Variants in RFTN2 observed in about 807,000 individuals in gnomAD.
RFTN2 encodes the protein raftlin-2.
RFTN2 carries 34 observed loss-of-function variants against 52.7 expected under a neutral mutation model. The observed-to-expected ratio is 0.64, with a 90% CI of 0.49 to 0.86. RFTN2 has a LOEUF of 0.86. Among genes scored for constraint, RFTN2 ranks in the 40% least tolerant of loss-of-function variants. The pLI, the probability that RFTN2 is intolerant of heterozygous loss-of-function variation, is 0.00. For synonymous variants in RFTN2, 203 were observed against 217.7 expected (o/e 0.93, Z 0.59); for missense variants, 536 against 600.1 (o/e 0.89, Z 1.12).
At chr2:197,643,658 A>C (rs1046223158) in intron 3 of RFTN2, among the ~76,000 whole-genome samples, 2 of 152,102 alleles carry the variant, frequency 1.3e-5, no homozygotes, top group African/African-American at 4.8e-5. Flanking sequence ...CCTATAGGAC[A>C]TGTCTGTTGC....
rs1553601950 is a variant in RFTN2 at position 197,616,309 on chromosome 2, A to ATTTTATTTTATTTTATTTATTTT, written c.1051-331_1051-330insAAAATAAATAAAATAAAATAAAA. ...ATTTTATTTTATTTTATTTTATTTT[A>ATTTTATTTTATTTTATTTATTTT]AAGAGAGGGTCTCATTCCTACATCC... On this transcript the variant is annotated intron_variant, in intron 6 of 8. Transcript: ENST00000295049. Among the ~76,000 whole-genome samples the ATTTTATTTTATTTTATTTATTTT allele has an allele frequency of 1.9e-4, 24 of 125,074 alleles. 1 individual carries two copies. The highest frequency in any genetic ancestry group is 5.8e-4 in the African/African-American group (19 of 32,822). The allele number at this position is 125,074 out of a possible 152,430, so 82.1% of individuals were successfully genotyped here.
At chr2:197,627,921 G>A (rs572443455) in intron 5 of RFTN2, among the ~76,000 whole-genome samples, 5 of 127,480 alleles carry the variant, frequency 3.9e-5, no homozygotes, top group Admixed American at 2.2e-4. Flanking sequence ...TTTATTCAGC[G>A]TGATTTGTGG....
intron 8 of RFTN2, among the ~76,000 whole-genome samples, chr2:197,578,606 C>T (rs1049942326): frequency 6.6e-6 from 1 of 152,188 alleles, no homozygotes; most frequent in African/African-American, 2.4e-5. Context: ...GAACAACCCC[C>T]TTTGACTGTA....
chr2:197,646,647 G>A lies in RFTN2; in HGVS notation c.159C>T (p.Val53=). ...FTLQASSNPE[V]IKINSILDIV... is the part of the protein sequence containing the mutation. The stretch of plus-strand genomic sequence containing the variant: ...TATCCAGAATTGAATTTATCTTGAT[G>A]ACTTCTGGGTTTGATGAAGCTGAAA... Residue 53 remains valine, a synonymous_variant, in exon 2 of 9, where the codon GTC becomes GTT. Transcript: ENST00000295049. The A allele has an allele frequency of 6.2e-7, 1 of 1,612,358 alleles. No individual in the cohort carries two copies. The highest frequency in any genetic ancestry group is 1.1e-5 in the South Asian group (1 of 90,950).
At chr2:197,664,010 C>A (rs115039776) in intron 1 of RFTN2, among the ~76,000 whole-genome samples, 92 of 152,196 alleles carry the variant, frequency 6.0e-4, no homozygotes, top group African/African-American at 2.1e-3. Context: ...TCATTAATAT[C>A]AAGACATTTT....
intron 7 of RFTN2, among the ~76,000 whole-genome samples, chr2:197,615,018 A>T (rs980830163): frequency 6.6e-6 from 1 of 152,104 alleles, no homozygotes; most frequent in Non-Finnish European, 1.5e-5. Context: ...TCCTTTCCCT[A>T]CCCGAAGAAG....
intron 8 of RFTN2, among the ~76,000 whole-genome samples, chr2:197,572,799 G>A (rs565880030): frequency 6.9e-6 from 1 of 145,646 alleles, no homozygotes; most frequent in South Asian, 2.2e-4. Context: ...TATTTCCCAT[G>A]TGTTGTGGGA....
chr2:197,668,683 T>C (rs1030839363), intron 1 of RFTN2, among the ~76,000 whole-genome samples: 2 of 152,142 alleles, frequency 1.3e-5, no homozygotes, highest in African/African-American at 4.8e-5. Flanking sequence ...GGCTCAGCCC[T>C]AGCATCACTA....
chr2:197,578,171 T>C (rs980039077), intron 8 of RFTN2, among the ~76,000 whole-genome samples: 4 of 152,144 alleles, frequency 2.6e-5, no homozygotes, highest in African/African-American at 9.7e-5. Context: ...TCTTTATATA[T>C]CAGCTAATAG....
chr2:197,606,512 C>A (rs2087963820), intron 7 of RFTN2, among the ~76,000 whole-genome samples: 2 of 152,074 alleles, frequency 1.3e-5, no homozygotes, highest in South Asian at 4.1e-4. Flanking sequence ...TTCTGCACAG[C>A]AAAAGAAACT....
chr2:197,658,750 G>T (rs1292136387), intron 1 of RFTN2, among the ~76,000 whole-genome samples: 1 of 152,122 alleles, frequency 6.6e-6, no homozygotes, highest in Non-Finnish European at 1.5e-5. Context: ...AACAAATGGG[G>T]TTGTTTACAG....
At chr2:197,628,602 GAA>G (rs987905356) in intron 5 of RFTN2, among the ~76,000 whole-genome samples, 6 of 142,336 alleles carry the variant, frequency 4.2e-5, no homozygotes, top group African/African-American at 1.4e-4. Flanking sequence ...TTTTTGGAGA[GAA>G]GAGAAACAAG....
chr2:197,639,358 G>C (rs898223765), intron 3 of RFTN2, among the ~76,000 whole-genome samples: 74 of 151,746 alleles, frequency 4.9e-4, no homozygotes, highest in Non-Finnish European at 6.8e-4. Context: ...TCCATTCTCC[G>C]CATCACTTTC....
At position 197,593,885 on chromosome 2, in the gene RFTN2, A is replaced by C. The variant is rs1170383271; in HGVS notation, c.1233+2106T>G. ...TGGCAACAGAGTGAGACTCCATCTC[A>C]AAAAAAAAAAAAAAAGAATAAGAAG... On this transcript the variant is annotated intron_variant, in intron 8 of 8. Transcript: ENST00000295049. Among the ~76,000 whole-genome samples, 90 of 140,320 alleles carry C rather than the reference A, an allele frequency of 6.4e-4. 1 individual carries two copies. The highest frequency in any genetic ancestry group is 3.7e-3 in the Middle Eastern group (1 of 272). 92.1% of individuals were successfully genotyped at this position (140,320 alleles called of 152,430 possible). A position where few individuals can be genotyped will look rare whatever the true frequency, so the allele number is the denominator to read the frequency against.
At chr2:197,619,209 C>T (rs1331369415) in intron 5 of RFTN2, among the ~76,000 whole-genome samples, 2 of 151,992 alleles carry the variant, frequency 1.3e-5, no homozygotes, top group Non-Finnish European at 2.9e-5. Flanking sequence ...GTGAGGAGCC[C>T]CTCTGCCCGG....
chr2:197,644,447 T>C (rs550011952), intron 2 of RFTN2, among the ~76,000 whole-genome samples, 175 bp from the exon 3 acceptor site: 1 of 152,374 alleles, frequency 6.6e-6, no homozygotes, highest in South Asian at 2.1e-4. Flanking sequence ...CAATAACTTC[T>C]ATTAATTCAA....
At chr2:197,589,071 A>C (rs1042035262) in intron 8 of RFTN2, among the ~76,000 whole-genome samples, 3 of 151,856 alleles carry the variant, frequency 2.0e-5, no homozygotes, top group African/African-American at 7.3e-5. Flanking sequence ...AAATACAAAA[A>C]TTAGCCAGGT....
intron 4 of RFTN2, among the ~76,000 whole-genome samples, chr2:197,632,616 A>G (rs2088484743): frequency 1.3e-5 from 2 of 152,162 alleles, no homozygotes; most frequent in Non-Finnish European, 2.9e-5. Flanking sequence ...ACACATTCCT[A>G]TACTTTTTAC....
At chr2:197,615,271 G>A (rs765920639) in intron 7 of RFTN2, among the ~76,000 whole-genome samples, 1 of 152,206 alleles carries the variant, frequency 6.6e-6, no homozygotes, top group African/African-American at 2.4e-5. Flanking sequence ...TCTGCAGGTA[G>A]TCACCTGCCC....
Sources: allele counts gnomAD v4.1 joint callset (sites outside exome capture counted in the v4.1 genomes callset), GRCh38; gene constraint gnomAD v4.1.1; transcripts MANE v1.5; gene names NCBI Gene and HGNC (gene_info 2026-07-23, HGNC 2026-07-21).